Variants in IL1RAPL1 observed in about 807,000 individuals in gnomAD.
IL1RAPL1 encodes the protein interleukin 1 receptor accessory protein like 1.
In IL1RAPL1, 3 loss-of-function variants were observed where a neutral mutation model predicts 48.4. The observed-to-expected ratio is 0.06, with a 90% CI of 0.03 to 0.16. IL1RAPL1 has a LOEUF of 0.16. Among genes scored for constraint, IL1RAPL1 ranks in the 10% least tolerant of loss-of-function variants. The pLI, the probability that IL1RAPL1 is intolerant of heterozygous loss-of-function variation, is 1.00. For missense variants in IL1RAPL1, 349 were observed against 530.6 expected, an observed-to-expected ratio of 0.66 and a Z score of 3.36; for synonymous variants, 185 against 187.7, an observed-to-expected ratio of 0.99 and a Z score of 0.12.
At chrX:28,810,772 A>C (rs1051077113) in intron 2 of IL1RAPL1, among the ~76,000 whole-genome samples, 8 of 110,082 alleles carry the variant, frequency 7.3e-5, no homozygotes, top group Admixed American at 2.9e-4. Context: ...AATTGATTGA[A>C]ATTTGCTTCA....
intron 5 of IL1RAPL1, among the ~76,000 whole-genome samples, chrX:29,448,815 A>G (rs1301243687): frequency 9.0e-6 from 1 of 111,728 alleles, no homozygotes; most frequent in African/African-American, 3.3e-5. Flanking sequence ...TGGAAAGTCC[A>G]AGATCAAGGT....
At chrX:28,912,926 A>G (rs1325385657) in intron 2 of IL1RAPL1, among the ~76,000 whole-genome samples, 1 of 111,738 alleles carries the variant, frequency 8.9e-6, no homozygotes, top group Admixed American at 9.6e-5. Context: ...TCCATTAAAA[A>G]GGTTTTGTGA....
intron 2 of IL1RAPL1, among the ~76,000 whole-genome samples, chrX:29,106,506 A>G (rs1928450029): frequency 8.9e-6 from 1 of 112,120 alleles, no homozygotes; most frequent in Non-Finnish European, 1.9e-5. Context: ...GGAGTGAGAT[A>G]AGGATATTTT....
chrX:29,655,273 A>G (rs2147093719), intron 5 of IL1RAPL1, among the ~76,000 whole-genome samples: 1 of 112,101 alleles, frequency 8.9e-6, no homozygotes, highest in South Asian at 3.7e-4. Context: ...AACTTCATCT[A>G]AATAAGTTTC....
chrX:29,847,232 C>T (rs1782117544), intron 6 of IL1RAPL1, among the ~76,000 whole-genome samples: 1 of 111,705 alleles, frequency 9.0e-6, no homozygotes, highest in Admixed American at 9.5e-5. Context: ...TTGAAATATG[C>T]TTATAGAAAA....
intron 2 of IL1RAPL1, among the ~76,000 whole-genome samples, chrX:28,832,447 A>G (rs1241747286): frequency 9.0e-6 from 1 of 111,533 alleles, no homozygotes; most frequent in Non-Finnish European, 1.9e-5. Context: ...CTCTTTTCAG[A>G]ATCTTAATAT....
intron 2 of IL1RAPL1, among the ~76,000 whole-genome samples, chrX:28,981,090 CAAAAAAAAAAAAAAAAAAAAAA>C (rs57824632): frequency 8.2e-5 from 2 of 24,323 alleles, no homozygotes; most frequent in African/African-American, 2.1e-4. Flanking sequence ...GACCCTGTCT[CAAAAAAAAAAAAAAAAAAAAAA>C]AAAAAAAAAA....
chrX:29,830,693 T>C (rs1930855519), intron 6 of IL1RAPL1, among the ~76,000 whole-genome samples: 1 of 110,860 alleles, frequency 9.0e-6, no homozygotes, highest in Non-Finnish European at 1.9e-5. Context: ...CCTCAAGTGA[T>C]CCACCCATCT....
intron 2 of IL1RAPL1, among the ~76,000 whole-genome samples, chrX:28,841,295 T>C (rs1326225065): frequency 9.0e-6 from 1 of 110,620 alleles, no homozygotes; most frequent in African/African-American, 3.3e-5. Flanking sequence ...ATGCATAACT[T>C]AGAATAATTT....
intron 3 of IL1RAPL1, among the ~76,000 whole-genome samples, chrX:29,381,829 AAAAAATATATAT>A (rs1257566255): frequency 1.6e-4 from 5 of 31,733 alleles, no homozygotes; most frequent in East Asian, 4.6e-4. Context: ...AAAAAAAAAA[AAAAAATATATAT>A]ATATATATAT....
chrX:29,364,333 C>A (rs1933416450), intron 3 of IL1RAPL1, among the ~76,000 whole-genome samples: 1 of 109,138 alleles, frequency 9.2e-6, no homozygotes, highest in South Asian at 4.0e-4. Flanking sequence ...TCGAGATGAG[C>A]AGATCACTTG....
chrX:29,006,169 G>A (rs2147391397), intron 2 of IL1RAPL1, among the ~76,000 whole-genome samples: 1 of 110,643 alleles, frequency 9.0e-6, no homozygotes, highest in South Asian at 3.9e-4. Context: ...AATGAAAGGG[G>A]GAGAATTGGG....
At chrX:29,865,450 T>A (rs773254569) in intron 6 of IL1RAPL1, among the ~76,000 whole-genome samples, 1 of 111,141 alleles carries the variant, frequency 9.0e-6, no homozygotes, top group African/African-American at 3.3e-5. Context: ...AATTCAATGA[T>A]AGCCTTTTTG....
intron 1 of IL1RAPL1, among the ~76,000 whole-genome samples, chrX:28,593,958 T>C (rs1316329144): frequency 9.0e-6 from 1 of 111,230 alleles, no homozygotes; most frequent in East Asian, 2.8e-4. Context: ...AAATGCATGA[T>C]AATAATAGTA....
intron 6 of IL1RAPL1, among the ~76,000 whole-genome samples, chrX:29,685,788 C>T (rs1366518101): frequency 3.6e-5 from 4 of 109,804 alleles, no homozygotes; most frequent in African/African-American, 1.0e-4. Flanking sequence ...AGTTCGAGAC[C>T]GGCCTGGCCA....
At chrX:29,091,371 C>T (rs969894914) in intron 2 of IL1RAPL1, among the ~76,000 whole-genome samples, 1 of 111,541 alleles carries the variant, frequency 9.0e-6, no homozygotes, top group Non-Finnish European at 1.9e-5. Context: ...TTACTCATGT[C>T]TTAGTCTCCC....
chrX:29,547,849 G>A (rs1921678428), intron 5 of IL1RAPL1, among the ~76,000 whole-genome samples: 1 of 111,848 alleles, frequency 8.9e-6, no homozygotes, highest in African/African-American at 3.2e-5. Flanking sequence ...GTTAATTCTA[G>A]AAAAAAGATA....
rs1195657463 is a variant in IL1RAPL1 at position 29,283,702 on chromosome X, T to C, written c.362+485T>C. Among the ~76,000 whole-genome samples the C allele has an allele frequency of 1.8e-5, 2 of 111,874 alleles. 1 individual carries two copies. Among genetic ancestry groups the C allele is most frequent in the Non-Finnish European group, 3.8e-5 (2 of 53,143 alleles). On this transcript the variant is annotated intron_variant, in intron 3 of 10. Transcript: ENST00000378993. ...ATTACCATGTTAGAGAATATGAAGGTTGTGTTCCAGATTGCTTTGCTAACC... is the reference window on the plus strand; with the variant it reads ...ATTACCATGTTAGAGAATATGAAGGCTGTGTTCCAGATTGCTTTGCTAACC...
intron 6 of IL1RAPL1, among the ~76,000 whole-genome samples, chrX:29,769,569 G>A (rs1317807606): frequency 1.0e-5 from 1 of 96,948 alleles, no homozygotes; most frequent in Non-Finnish European, 2.0e-5. Flanking sequence ...TCAGCCTCCC[G>A]AGTAGCTGGA....
Sources: gnomAD v4.1 joint callset for allele counts (sites outside exome capture counted in the v4.1 genomes callset) on GRCh38, gnomAD v4.1.1 for gene constraint, MANE v1.5 for transcripts, NCBI Gene and HGNC (gene_info 2026-07-23, HGNC 2026-07-21) for gene names.